Variants in ATG10 observed in about 807,000 individuals in gnomAD.
The protein encoded by ATG10 is autophagy related 10, also known as ubiquitin-like-conjugating enzyme ATG10.
In ATG10, 30 loss-of-function variants were observed where a neutral mutation model predicts 32.1. The observed-to-expected ratio is 0.94, with a 90% CI of 0.70 to 1.27. The LOEUF is 1.27. Ranked by LOEUF, ATG10 falls within the 50% of genes most tolerant of loss-of-function variation. ATG10 has a pLI of 0.00. For synonymous variants in ATG10, 87 were observed against 91.5 expected (o/e 0.95, Z 0.28); for missense variants, 233 against 262.3 (o/e 0.89, Z 0.77).
rs946089574 is a variant in ATG10, at chr5:82,254,473, G to A, written c.*410G>A. ...CCCCAGGAGGCTGAGGTGGGAGGTT[G>A]GCTTTAACCCAGGAGGCAGAGGTTG... is the stretch of plus-strand genomic sequence containing the variant. On this transcript the variant is annotated 3_prime_UTR_variant, in exon 8 of 8. Transcript: ENST00000282185. The A allele has an allele frequency of 1.7e-4, 25 of 150,766 alleles. No homozygotes were observed. Among genetic ancestry groups the A allele is most frequent in the African/African-American group, 4.9e-4 (20 of 40,998 alleles). 9.3% of individuals were successfully genotyped at this position (150,766 alleles called of 1,614,324 possible). A position where few individuals can be genotyped will look rare whatever the true frequency, so the allele number is the denominator to read the frequency against.
chr5:82,050,922 G>A (rs1281234442), intron 2 of ATG10, among the ~76,000 whole-genome samples: 1 of 150,962 alleles, frequency 6.6e-6, no homozygotes, highest in Admixed American at 6.6e-5. Context: ...GAGGCAGGAG[G>A]ATGGCCTGGG....
chr5:82,221,215 G>A (rs978725854), intron 5 of ATG10, among the ~76,000 whole-genome samples: 1 of 152,042 alleles, frequency 6.6e-6, no homozygotes, highest in African/African-American at 2.4e-5. Flanking sequence ...CAATACCTCT[G>A]CATTTCTCTC....
intron 3 of ATG10, among the ~76,000 whole-genome samples, chr5:82,079,618 T>TG (rs1764404516): frequency 6.6e-6 from 1 of 152,058 alleles, no homozygotes; most frequent in African/African-American, 2.4e-5. Context: ...ATGCGGTGTT[T>TG]GTTTTTTTTT....
chr5:82,190,803 A>C (rs981420065), intron 5 of ATG10, among the ~76,000 whole-genome samples: 16 of 141,264 alleles, frequency 1.1e-4, no homozygotes, highest in Non-Finnish European at 2.2e-4. Context: ...AAAAAAAAAA[A>C]ATGGGGAGAA....
chr5:82,170,865 T>G (rs1198789635), intron 4 of ATG10, among the ~76,000 whole-genome samples: 1 of 151,988 alleles, frequency 6.6e-6, no homozygotes, highest in African/African-American at 2.4e-5. Context: ...GAAAATCGCT[T>G]GAACCCTGGA....
At chr5:82,220,157 C>T (rs973904934) in intron 5 of ATG10, among the ~76,000 whole-genome samples, 3 of 152,148 alleles carry the variant, frequency 2.0e-5, no homozygotes, top group East Asian at 1.9e-4. Context: ...GTGAGCAGTG[C>T]GTGCAGGGTC....
intron 3 of ATG10, among the ~76,000 whole-genome samples, chr5:82,161,865 G>T (rs576478487): frequency 6.6e-6 from 1 of 151,994 alleles, no homozygotes; most frequent in South Asian, 2.1e-4. Flanking sequence ...ATTTTAAAAC[G>T]TGTATATAGT....
chr5:82,070,386 T>C (rs528823324), intron 3 of ATG10, among the ~76,000 whole-genome samples: 1 of 152,166 alleles, frequency 6.6e-6, no homozygotes, highest in Non-Finnish European at 1.5e-5. Flanking sequence ...GAAATAACAT[T>C]ATTAATTGTT....
chr5:82,232,771 T>A (rs1033770245), intron 5 of ATG10, among the ~76,000 whole-genome samples: 1 of 149,286 alleles, frequency 6.7e-6, no homozygotes, highest in Non-Finnish European at 1.5e-5. Flanking sequence ...CATTTTTTTT[T>A]AAGTGAATAA....
chr5:82,122,602 C>T (rs1164286969), intron 3 of ATG10, among the ~76,000 whole-genome samples: 3 of 152,152 alleles, frequency 2.0e-5, no homozygotes, highest in Admixed American at 2.0e-4. Context: ...ATGCAAACTG[C>T]AAACTATACA....
In ATG10 at chr5:82,255,459, A is replaced by G. The variant is rs1034185367; in HGVS notation, c.*1396A>G. 11 of 152,092 alleles carry G rather than the reference A, an allele frequency of 7.2e-5. No homozygotes were observed. Among genetic ancestry groups the G allele is most frequent in the Non-Finnish European group, 1.6e-4 (11 of 68,016 alleles). The allele number at this position is 152,092 out of a possible 1,614,324, so 9.4% of individuals were successfully genotyped here. A position where few individuals can be genotyped will look rare whatever the true frequency, so the allele number is the denominator to read the frequency against. On this transcript the variant is annotated 3_prime_UTR_variant, in exon 8 of 8. Coordinates refer to ENST00000282185, the MANE Select transcript of ATG10 (RefSeq NM_031482.5). ...TGCTAGGAGCTGAAACGAAGATTAA[A>G]ATGTCATTGGCTTTTTAGAGAGTCT... is the stretch of plus-strand genomic sequence containing the variant.
At chr5:82,227,172 C>T (rs1043036944) in intron 5 of ATG10, among the ~76,000 whole-genome samples, 2 of 151,910 alleles carry the variant, frequency 1.3e-5, no homozygotes, top group African/African-American at 4.8e-5. Context: ...GAGAAGGCAC[C>T]TGTGGTTGAG....
chr5:82,139,841 G>T (rs1324272384), intron 3 of ATG10, among the ~76,000 whole-genome samples: 146 of 134,534 alleles, frequency 1.1e-3, no homozygotes, highest in South Asian at 3.1e-3. Context: ...GAGGGAGATG[G>T]GGGGGTCAGC....
intron 5 of ATG10, among the ~76,000 whole-genome samples, chr5:82,179,140 A>G (rs111574590): frequency 6.6e-6 from 1 of 152,118 alleles, no homozygotes; most frequent in African/African-American, 2.4e-5. Context: ...GAAAAACAGA[A>G]TGGTTGTATA....
intron 7 of ATG10, among the ~76,000 whole-genome samples, 167 bp downstream of exon 7, chr5:82,253,596 G>A (rs1020520171): frequency 7.9e-5 from 12 of 152,146 alleles, no homozygotes; most frequent in Non-Finnish European, 1.5e-4. Context: ...TTTAGGACAG[G>A]GATCCCCAAA....
chr5:81,972,353 C>G (rs897783267), intron 1 of ATG10, 47 bp downstream of exon 1: 1 of 152,482 alleles, frequency 6.6e-6, no homozygotes, highest in African/African-American at 2.4e-5. Context: ...CCCGGCTCTG[C>G]TTCCCACACG....
chr5:82,246,145 A>G (rs1214754624), intron 5 of ATG10, among the ~76,000 whole-genome samples: 3 of 148,494 alleles, frequency 2.0e-5, no homozygotes, highest in Non-Finnish European at 4.4e-5. Flanking sequence ...ATCTCCACTT[A>G]CTGCTACCTC....
At chr5:82,161,543 T>A (rs1179264305) in intron 3 of ATG10, among the ~76,000 whole-genome samples, 2 of 152,154 alleles carry the variant, frequency 1.3e-5, no homozygotes, top group Admixed American at 6.6e-5. Flanking sequence ...CTAAAACTTG[T>A]ATCTTAACTA....
intron 3 of ATG10, among the ~76,000 whole-genome samples, chr5:82,136,782 C>G (rs1293135917): frequency 6.6e-6 from 1 of 152,200 alleles, no homozygotes; most frequent in African/African-American, 2.4e-5. Flanking sequence ...GGGACGTTCT[C>G]CTGGATAATA....
Sources: allele counts gnomAD v4.1 joint callset (sites outside exome capture counted in the v4.1 genomes callset), GRCh38; gene constraint gnomAD v4.1.1; transcripts MANE v1.5; gene names NCBI Gene and HGNC (gene_info 2026-07-23, HGNC 2026-07-21).